The following TFDP2 variants were observed in gnomAD, a reference collection of about 807,000 sequenced individuals.
TFDP2 encodes transcription factor Dp-2 (E2F dimerization partner 2).
A neutral mutation model predicts 59.3 loss-of-function variants in TFDP2; 17 were observed. The observed-to-expected ratio is 0.29, with a 90% confidence interval of 0.20 to 0.43. The LOEUF (loss-of-function observed/expected upper bound fraction) is 0.43. TFDP2 is among the 20% of genes least tolerant of loss of function. TFDP2 has a pLI of 1.00. For synonymous variants in TFDP2, 180 were observed against 194.7 expected, an observed-to-expected ratio of 0.92 and a Z score of 0.63; for missense variants, 391 against 528.8, an observed-to-expected ratio of 0.74 and a Z score of 2.56.
At chr3:142,061,490 A>T (rs916970377) in intron 3 of TFDP2, among the ~76,000 whole-genome samples, 2 of 152,180 alleles carry the variant, frequency 1.3e-5, no homozygotes, top group African/African-American at 2.4e-5. Flanking sequence ...CATTTGAATC[A>T]GTAGAGTGAA....
At chr3:141,977,531 T>G (rs1169161287) in intron 7 of TFDP2, among the ~76,000 whole-genome samples, 1 of 152,140 alleles carries the variant, frequency 6.6e-6, no homozygotes, top group East Asian at 1.9e-4. Context: ...AGTAGAGGTT[T>G]CATTGAGCCG....
At chr3:142,077,939 G>A (rs571387223) in intron 3 of TFDP2, among the ~76,000 whole-genome samples, 55 of 152,250 alleles carry the variant, frequency 3.6e-4, no homozygotes, top group African/African-American at 1.3e-3. Flanking sequence ...CTGGATGAGA[G>A]AGGAGCCCAT....
chr3:142,056,498 C>T (rs532672888), intron 3 of TFDP2, among the ~76,000 whole-genome samples: 1 of 152,080 alleles, frequency 6.6e-6, no homozygotes, highest in South Asian at 2.1e-4. Flanking sequence ...TATAAGATAC[C>T]TAGTTAAATT....
chr3:142,034,954 C>A (rs945086942), intron 3 of TFDP2, among the ~76,000 whole-genome samples: 6 of 152,168 alleles, frequency 3.9e-5, no homozygotes, highest in Non-Finnish European at 8.8e-5. Context: ...GATCCGCCTG[C>A]CTTGGCCTCC....
At chr3:142,042,716 T>C (rs1439193236) in intron 3 of TFDP2, among the ~76,000 whole-genome samples, 3 of 149,582 alleles carry the variant, frequency 2.0e-5, no homozygotes, top group Admixed American at 2.0e-4. Context: ...AGCAGTCTCT[T>C]TTCTACCTCT....
Position 142,116,512 on chromosome 3 carries a change from C to G in TFDP2, c.-92-14671G>C, listed in dbSNP as rs76643765. On this transcript the variant is annotated intron_variant, in intron 1 of 12. Transcript: ENST00000489671. ...GAAACTGGAAGAAGCAATAAAGGAT[C>G]CTCTCCTAGAGGCTTTACAGGGAGC... Among the ~76,000 whole-genome samples, 1,107 of 152,322 alleles carry G rather than the reference C, an allele frequency of 7.3e-3. 15 individuals carry two copies. The highest frequency in any genetic ancestry group is 0.025 in the African/African-American group (1,023 of 41,570).
intron 1 of TFDP2, among the ~76,000 whole-genome samples, chr3:142,145,282 A>T (rs1182476879): frequency 6.6e-6 from 1 of 152,228 alleles, no homozygotes; most frequent in Non-Finnish European, 1.5e-5. Flanking sequence ...AACTATGGTG[A>T]GCAGGAGAGG....
chr3:142,029,987 T>G (rs1431955250), intron 3 of TFDP2, among the ~76,000 whole-genome samples: 1 of 152,226 alleles, frequency 6.6e-6, no homozygotes, highest in African/African-American at 2.4e-5. Context: ...ATATTCCCCT[T>G]GGAAAGTATG....
intron 3 of TFDP2, among the ~76,000 whole-genome samples, chr3:142,087,120 C>T (rs956727012): frequency 6.6e-6 from 1 of 152,182 alleles, no homozygotes; most frequent in African/African-American, 2.4e-5. Flanking sequence ...TCTCCTAGCA[C>T]CCCTATCATT....
intron 3 of TFDP2, among the ~76,000 whole-genome samples, chr3:142,033,993 G>T (rs1946555837): frequency 6.6e-6 from 1 of 151,808 alleles, no homozygotes; most frequent in African/African-American, 2.4e-5. Flanking sequence ...CCTTCTAACT[G>T]CTAACCAAAC....
intron 1 of TFDP2, among the ~76,000 whole-genome samples, chr3:142,140,834 G>A (rs898831580): frequency 5.3e-5 from 8 of 152,158 alleles, no homozygotes; most frequent in Non-Finnish European, 7.4e-5. Context: ...TAGGCTACAC[G>A]GGTGTCAGGG....
At chr3:141,953,750 T>C (rs1056482798) in intron 11 of TFDP2, among the ~76,000 whole-genome samples, 1 of 150,990 alleles carries the variant, frequency 6.6e-6, no homozygotes, top group Admixed American at 6.6e-5. Flanking sequence ...TCATTTAGCA[T>C]TAGGTATATC....
At chr3:142,020,679 T>C (rs1440886028) in intron 3 of TFDP2, among the ~76,000 whole-genome samples, 2 of 138,468 alleles carry the variant, frequency 1.4e-5, no homozygotes, top group Non-Finnish European at 3.1e-5. Flanking sequence ...CCTTTTTCTT[T>C]AAAAAAAAAA....
intron 3 of TFDP2, among the ~76,000 whole-genome samples, chr3:142,020,163 A>G (rs1000886558): frequency 1.3e-5 from 2 of 152,202 alleles, no homozygotes; most frequent in African/African-American, 2.4e-5. Context: ...CTAGAAAGCA[A>G]TATATGCCAC....
intron 3 of TFDP2, among the ~76,000 whole-genome samples, chr3:142,076,210 CAAAA>C (rs56018016): frequency 2.7e-5 from 3 of 112,136 alleles, no homozygotes; most frequent in African/African-American, 3.6e-5. Flanking sequence ...GACTCCGTCT[CAAAA>C]AAAAAAAAAA....
intron 1 of TFDP2, among the ~76,000 whole-genome samples, chr3:142,122,427 A>T (rs73236008): frequency 0.042 from 6,362 of 152,290 alleles, 149 homozygotes; most frequent in South Asian, 0.06. Context: ...ATCACTTCCA[A>T]TACCAACTGT....
intron 6 of TFDP2, among the ~76,000 whole-genome samples, chr3:141,991,856 A>C (rs1212107634): frequency 3.9e-5 from 6 of 152,088 alleles, no homozygotes; most frequent in African/African-American, 1.4e-4. Context: ...TAGCCTGGCC[A>C]ACATGGTGAA....
At chr3:142,075,906 C>CAA (rs60581045) in intron 3 of TFDP2, among the ~76,000 whole-genome samples, 53 of 80,688 alleles carry the variant, frequency 6.6e-4, no homozygotes, top group African/African-American at 1.1e-3. Flanking sequence ...GAACCTGCCT[C>CAA]AAAAAAAAAA....
At chr3:142,040,998 CCTTTT>C (rs1261389666) in intron 3 of TFDP2, among the ~76,000 whole-genome samples, 1 of 152,114 alleles carries the variant, frequency 6.6e-6, no homozygotes, top group African/African-American at 2.4e-5. Context: ...GTCCTATGTG[CCTTTT>C]CTTTTGACAA....
Sources: gnomAD v4.1 joint callset for allele counts (sites outside exome capture counted in the v4.1 genomes callset) on GRCh38, gnomAD v4.1.1 for gene constraint, MANE v1.5 for transcripts, NCBI Gene and HGNC (gene_info 2026-07-23, HGNC 2026-07-21) for gene names.